TBC1D8: variants seen among roughly 807,000 people sequenced by gnomAD.
The protein encoded by TBC1D8 is BUB2-like protein 1.
A neutral mutation model predicts 118.8 loss-of-function variants in TBC1D8; 65 were observed. The observed-to-expected ratio is 0.55, with a 90% CI of 0.45 to 0.67. TBC1D8 has a LOEUF of 0.67. TBC1D8 is among the 30% of genes least tolerant of loss of function. The pLI is 0.00. For missense variants in TBC1D8, 1,376 were observed against 1,471.2 expected, an observed-to-expected ratio of 0.94 and a Z score of 1.06; for synonymous variants, 566 against 595.8, an observed-to-expected ratio of 0.95 and a Z score of 0.73.
intron 17 of TBC1D8, among the ~76,000 whole-genome samples, chr2:101,011,741 T>C (rs889253051): frequency 6.6e-6 from 1 of 152,206 alleles, no homozygotes; most frequent in Admixed American, 6.5e-5. Context: ...CCACACCAAG[T>C]GTGCCTTTTC....
rs774608844 is a variant in TBC1D8 at position 101,080,258 on chromosome 2, G to A, written c.283+9951C>T. Among the ~76,000 whole-genome samples the A allele has an allele frequency of 8.6e-5, 13 of 152,028 alleles. 1 individual carries two copies. Among genetic ancestry groups the A allele is most frequent in the Admixed American group, 1.3e-4 (2 of 15,256 alleles). ...TGACCGAAAACAAGTGTAACAACTC[G>A]CATCGCCTGACCTCAGCGTGGGGAC... is the stretch of plus-strand genomic sequence containing the variant. On this transcript the variant is annotated intron_variant, in intron 2 of 19. Transcript: ENST00000409318.
intron 5 of TBC1D8, among the ~76,000 whole-genome samples, chr2:101,042,912 A>G (rs1028764109): frequency 1.3e-5 from 2 of 152,166 alleles, no homozygotes; most frequent in African/African-American, 2.4e-5. Context: ...GGCCCCGGAG[A>G]TAAGACCTCA....
chr2:101,054,108 G>C lies in TBC1D8; in HGVS notation c.631C>G (p.Leu211Val). The C allele has an allele frequency of 6.2e-7, 1 of 1,609,054 alleles. No individual in the cohort carries two copies. Among genetic ancestry groups the C allele is most frequent in the Non-Finnish European group, 8.5e-7 (1 of 1,177,478 alleles). ...CFYSFFLGKE[L>V]KLVVPWVDIQ... ...GAAGAGCCTGCCAGGCCTCACTTAC[G>C]TTCCTTGCCCAGGAAGAAGGAGTAG... is the stretch of plus-strand genomic sequence containing the variant. The change falls in exon 4 of 20, where the codon CTT (leucine) becomes GTT (valine). Residue 211 changes from leucine to valine, a missense_variant and splice_region_variant. Physicochemically the swap from Leu to Val is conservative, Grantham distance 32. Transcript: ENST00000409318.
intron 5 of TBC1D8, among the ~76,000 whole-genome samples, chr2:101,041,254 T>C (rs1681367924): frequency 6.6e-6 from 1 of 152,254 alleles, no homozygotes; most frequent in Non-Finnish European, 1.5e-5. Flanking sequence ...CAGCATCATT[T>C]ATGATAACTT....
At chr2:101,011,344 A>C in intron 18 of TBC1D8, 107 bp downstream of exon 18, 2 of 1,151,144 alleles carry the variant, frequency 1.7e-6, no homozygotes, top group Non-Finnish European at 2.6e-6. Context: ...TCATTGGACG[A>C]AGGGAAAAGA....
intron 2 of TBC1D8, among the ~76,000 whole-genome samples, chr2:101,073,826 T>C (rs917466707): frequency 3.3e-5 from 5 of 152,246 alleles, no homozygotes; most frequent in African/African-American, 1.2e-4. Context: ...TCACAGAATT[T>C]AAGAAAGTGA....
At chr2:101,139,100 A>G (rs1407776108) in intron 1 of TBC1D8, among the ~76,000 whole-genome samples, 2 of 150,968 alleles carry the variant, frequency 1.3e-5, no homozygotes, top group African/African-American at 4.9e-5. Context: ...TTTTTTTTTC[A>G]GTAGTGAGTA....
intron 1 of TBC1D8, among the ~76,000 whole-genome samples, chr2:101,122,748 A>T (rs1678185903): frequency 6.6e-6 from 1 of 152,172 alleles, no homozygotes; most frequent in Admixed American, 6.5e-5. Context: ...TTTAAAATAA[A>T]CTTTTAAACA....
In TBC1D8 at chr2:101,028,699, C is replaced by T. The variant is rs73943420; in HGVS notation, c.2223-267G>A. On this transcript the variant is annotated intron_variant, in intron 12 of 19. Transcript: ENST00000409318. The stretch of plus-strand genomic sequence containing the variant: ...TTCTGCGCATACATGCAAGGTTAAG[C>T]TTCCATCATGCTCTGAAAGAGAACC... 1.1e-3 allele frequency among the ~76,000 whole-genome samples: 170 copies of T among 152,314 alleles called. 1 individual carries two copies. Among genetic ancestry groups the T allele is most frequent in the African/African-American group, 3.5e-3 (145 of 41,560 alleles).
chr2:101,116,470 C>T (rs567241575), intron 1 of TBC1D8, among the ~76,000 whole-genome samples: 2 of 152,208 alleles, frequency 1.3e-5, no homozygotes, highest in South Asian at 2.1e-4. Flanking sequence ...CAAGCAGGTG[C>T]AAAGTCCCTG....
chr2:101,029,066 A>C (rs1000113512), intron 12 of TBC1D8, among the ~76,000 whole-genome samples: 2 of 152,214 alleles, frequency 1.3e-5, no homozygotes, highest in Non-Finnish European at 2.9e-5. Context: ...TTGGGAGGCC[A>C]CAGAATGTCA....
intron 2 of TBC1D8, among the ~76,000 whole-genome samples, chr2:101,086,854 C>T (rs1046963255): frequency 1.3e-5 from 2 of 152,126 alleles, no homozygotes; most frequent in Admixed American, 6.5e-5. Context: ...GGCATGATCT[C>T]GGCTCACTAC....
rs186654278 is a variant in TBC1D8, at chr2:101,099,492, C to A, written c.128-9128G>T. Among the ~76,000 whole-genome samples, 4 of 152,290 alleles carry A rather than the reference C, an allele frequency of 2.6e-5. No homozygotes were observed. In the East Asian group the frequency reaches 7.7e-4, roughly 29 times the overall value. ...TCCAAACAATTGAAAAGGAGGGACT[C>A]CTCCCTAACTCATTTTACGAAGCCA... On this transcript the variant is annotated intron_variant, in intron 1 of 19. Transcript: ENST00000409318.
At chr2:101,054,672 C>CTTTTTTTTTTTTT (rs34465252) in intron 3 of TBC1D8, among the ~76,000 whole-genome samples, 14 of 25,436 alleles carry the variant, frequency 5.5e-4, no homozygotes, top group East Asian at 1.5e-3. Context: ...CTTTTCTTTT[C>CTTTTTTTTTTTTT]TTTTTTTTTT....
At chr2:101,055,720 T>C (rs1682381804) in intron 3 of TBC1D8, among the ~76,000 whole-genome samples, 1 of 152,174 alleles carries the variant, frequency 6.6e-6, no homozygotes, top group African/African-American at 2.4e-5. Flanking sequence ...TGATTTCCCA[T>C]CCCTGGGAGC....
intron 8 of TBC1D8, 61 bp downstream of exon 8, chr2:101,037,471 C>A: frequency 6.4e-7 from 1 of 1,571,812 alleles, no homozygotes; most frequent in Non-Finnish European, 8.6e-7. Context: ...GACAGCTGGG[C>A]AACCCCCCCA....
At chr2:101,150,643 G>T (rs987540568) in intron 1 of TBC1D8, among the ~76,000 whole-genome samples, 5 of 152,150 alleles carry the variant, frequency 3.3e-5, no homozygotes, top group African/African-American at 1.2e-4. Context: ...CCCGCTCACC[G>T]CGGCCTCCAA....
At chr2:101,147,931 A>G (rs1276304986) in intron 1 of TBC1D8, among the ~76,000 whole-genome samples, 1 of 152,122 alleles carries the variant, frequency 6.6e-6, no homozygotes, top group African/African-American at 2.4e-5. Context: ...TTTCCAGAGT[A>G]GCAATATCAC....
rs114618326 is a variant in TBC1D8, at chr2:101,145,766, C to G, written c.127+5361G>C. Among the ~76,000 whole-genome samples the G allele has an allele frequency of 8.0e-3, 1,223 of 152,324 alleles. 19 individuals are homozygous for G. Among genetic ancestry groups the G allele is most frequent in the African/African-American group, 0.028 (1,155 of 41,560 alleles). On this transcript the variant is annotated intron_variant, in intron 1 of 19. Transcript: ENST00000409318. Reference sequence around the variant, plus strand: ...AACAAGGTGAAGCTCCCTTTACTCACTACGATTTAATGTGGTGAGAGGAGC... The same window carrying G: ...AACAAGGTGAAGCTCCCTTTACTCAGTACGATTTAATGTGGTGAGAGGAGC...
Sources: allele counts gnomAD v4.1 joint callset (sites outside exome capture counted in the v4.1 genomes callset), GRCh38; gene constraint gnomAD v4.1.1; transcripts MANE v1.5; gene names NCBI Gene and HGNC (gene_info 2026-07-23, HGNC 2026-07-21).